The following DIP2C variants were observed in gnomAD, a reference collection of about 807,000 sequenced individuals.
DIP2C encodes the protein DIP2 acetate--CoA ligase C (putative).
In DIP2C, 33 loss-of-function variants were observed where a neutral mutation model predicts 192.4. The observed-to-expected ratio is 0.17, with a 90% CI of 0.13 to 0.23. The LOEUF (loss-of-function observed/expected upper bound fraction) is 0.23, where lower values mean the gene tolerates loss of function less well. DIP2C is among the 10% of genes least tolerant of loss of function. DIP2C has a pLI of 1.00. For synonymous variants in DIP2C, 979 were observed against 864.1 expected (o/e 1.13, Z -2.33); for missense variants, 1,537 against 2,110.1 (o/e 0.73, Z 5.32).
chr10:579,894 GCA>G (rs60725044), intron 1 of DIP2C, among the ~76,000 whole-genome samples: 3 of 151,898 alleles, frequency 2.0e-5, no homozygotes, highest in Non-Finnish European at 2.9e-5. Flanking sequence ...CATGCATCTA[GCA>G]CACAATCTAT....
intron 17 of DIP2C, among the ~76,000 whole-genome samples, chr10:372,255 A>C (rs1438623109): frequency 6.6e-6 from 1 of 152,040 alleles, no homozygotes; most frequent in Non-Finnish European, 1.5e-5. Context: ...TTTTGCTATT[A>C]GTAGAGACGG....
At chr10:674,012 T>C (rs1830764425) in intron 1 of DIP2C, among the ~76,000 whole-genome samples, 1 of 152,200 alleles carries the variant, frequency 6.6e-6, no homozygotes, top group African/African-American at 2.4e-5. Flanking sequence ...AAAATAATAA[T>C]CCATCACTAT....
intron 9 of DIP2C, among the ~76,000 whole-genome samples, chr10:404,534 T>C (rs1964670375): frequency 6.6e-6 from 1 of 152,302 alleles, no homozygotes; most frequent in African/African-American, 2.4e-5. Flanking sequence ...AACAATTTTT[T>C]ATGAAAAATG....
chr10:568,788 AAAAAAAAAAACC>A, intron 1 of DIP2C, among the ~76,000 whole-genome samples: 1 of 142,636 alleles, frequency 7.0e-6, no homozygotes, highest in African/African-American at 2.7e-5. Context: ...AAAAAAAAAA[AAAAAAAAAAACC>A]TTCACTTGAT....
chr10:668,074 A>G (rs1564326108), intron 1 of DIP2C: 5 of 152,122 alleles, frequency 3.3e-5, no homozygotes, highest in Non-Finnish European at 7.3e-5. Flanking sequence ...ACACTCATAC[A>G]ACACACACAA....
At chr10:607,071 T>A (rs11253278) in intron 1 of DIP2C, among the ~76,000 whole-genome samples, 2 of 151,982 alleles carry the variant, frequency 1.3e-5, no homozygotes, top group African/African-American at 2.4e-5. Flanking sequence ...CGTACATGCC[T>A]GGGCCCAGCA....
chr10:345,443 C>T (rs55869565), intron 26 of DIP2C, among the ~76,000 whole-genome samples: 143,576 of 147,368 alleles, frequency 0.97, 69,988 homozygotes, highest in Non-Finnish European at 1. Flanking sequence ...CCAGACACAT[C>T]GCGCACAGTT....
intron 3 of DIP2C, among the ~76,000 whole-genome samples, chr10:451,765 G>A (rs1968866034): frequency 6.6e-6 from 1 of 152,166 alleles, no homozygotes; most frequent in Non-Finnish European, 1.5e-5. Flanking sequence ...GATGGAATGA[G>A]GCCATAGAGC....
chr10:459,654 T>C (rs1969590756), intron 3 of DIP2C, among the ~76,000 whole-genome samples: 1 of 150,078 alleles, frequency 6.7e-6, no homozygotes, highest in African/African-American at 2.5e-5. Flanking sequence ...TCTAGGGTCT[T>C]CCTCCCAGTC....
chr10:436,417 G>A (rs1193739053), intron 4 of DIP2C, among the ~76,000 whole-genome samples: 4 of 152,210 alleles, frequency 2.6e-5, no homozygotes, highest in Admixed American at 1.3e-4. Flanking sequence ...TGGGTGGAGA[G>A]CTCCAGTCCT....
chr10:416,741 C>A (rs534497429), intron 6 of DIP2C, among the ~76,000 whole-genome samples: 1 of 152,164 alleles, frequency 6.6e-6, no homozygotes, highest in Admixed American at 6.5e-5. Context: ...AGGACCAAGA[C>A]GCTGATGCCA....
chr10:311,447 C>A, intron 31 of DIP2C: 1 of 1,138,832 alleles, frequency 8.8e-7, no homozygotes, highest in South Asian at 4.5e-5. Context: ...TCTCTGCACT[C>A]AACTGCTAGT....
chr10:583,900 G>A (rs1232972127), intron 1 of DIP2C, among the ~76,000 whole-genome samples: 2 of 152,186 alleles, frequency 1.3e-5, no homozygotes, highest in African/African-American at 2.4e-5. Context: ...AACCAAGCAC[G>A]TGCCTAGAGA....
At chr10:333,548 C>T (rs979965517) in intron 29 of DIP2C, among the ~76,000 whole-genome samples, 1 of 152,218 alleles carries the variant, frequency 6.6e-6, no homozygotes, top group African/African-American at 2.4e-5. Flanking sequence ...CAGTCACCTG[C>T]TAGCGGATAC....
intron 1 of DIP2C, among the ~76,000 whole-genome samples, chr10:499,141 TCA>T (rs1424126072): frequency 1.3e-5 from 2 of 152,164 alleles, no homozygotes; most frequent in African/African-American, 4.8e-5. Context: ...CCCACGATGG[TCA>T]CACAGCTGAG....
chr10:470,757 C>T (rs994210153), intron 3 of DIP2C, among the ~76,000 whole-genome samples: 3 of 152,224 alleles, frequency 2.0e-5, no homozygotes, highest in African/African-American at 7.2e-5. Context: ...CAAAGATGGG[C>T]TTGCATCCTC....
At chr10:411,133 C>CG (rs1191751029) in intron 8 of DIP2C, among the ~76,000 whole-genome samples, 12 of 152,170 alleles carry the variant, frequency 7.9e-5, no homozygotes, top group Non-Finnish European at 1.6e-4. Context: ...GGTGGCCCAG[C>CG]GTGCTGCTAG....
chr10:542,483 G>A (rs1023132629), intron 1 of DIP2C, among the ~76,000 whole-genome samples: 11 of 152,190 alleles, frequency 7.2e-5, no homozygotes, highest in African/African-American at 2.7e-4. Flanking sequence ...GCGGCCAGAC[G>A]ACCACAGCCC....
At chr10:560,663 G>A (rs954930335) in intron 1 of DIP2C, among the ~76,000 whole-genome samples, 4 of 152,042 alleles carry the variant, frequency 2.6e-5, no homozygotes, top group African/African-American at 7.2e-5. Flanking sequence ...ATTACCACAC[G>A]GGCTATCATC....
Sources: allele counts gnomAD v4.1 joint callset (sites outside exome capture counted in the v4.1 genomes callset), GRCh38; gene constraint gnomAD v4.1.1; transcripts MANE v1.5; gene names NCBI Gene and HGNC (gene_info 2026-07-23, HGNC 2026-07-21).